Variants in CPED1 observed in about 807,000 individuals in gnomAD.
CPED1 encodes the protein cadherin-like and PC-esterase domain-containing protein 1.
In CPED1, 114 loss-of-function variants were observed where a neutral mutation model predicts 128.2. The ratio of observed to expected loss-of-function variants is 0.89; its 90% CI spans 0.76 to 1.04. CPED1 has a LOEUF of 1.04. Ranked by LOEUF, CPED1 falls within the 50% of genes least tolerant of loss-of-function variation. The pLI is 0.00. For synonymous variants in CPED1, 462 were observed against 426.7 expected (o/e 1.08, Z -1.02); for missense variants, 1,211 against 1,207.1 (o/e 1.00, Z -0.05).
intron 16 of CPED1, among the ~76,000 whole-genome samples, chr7:121,203,987 G>A (rs1041391071): frequency 4.6e-5 from 7 of 152,110 alleles, no homozygotes; most frequent in Non-Finnish European, 8.8e-5. Flanking sequence ...CCTGCACTCA[G>A]TGAGGGTTCC....
At chr7:121,251,762 T>C (rs1798678201) in intron 18 of CPED1, among the ~76,000 whole-genome samples, 1 of 148,860 alleles carries the variant, frequency 6.7e-6, no homozygotes, top group Admixed American at 6.7e-5. Flanking sequence ...TAAAGGGATG[T>C]GAAGGACCTC....
At chr7:121,138,314 C>G (rs116116612) in intron 14 of CPED1, among the ~76,000 whole-genome samples, 1 of 152,032 alleles carries the variant, frequency 6.6e-6, no homozygotes, top group East Asian at 1.9e-4. Context: ...CTGCTACCAC[C>G]GTACCTCGTG....
intron 14 of CPED1, among the ~76,000 whole-genome samples, chr7:121,138,556 A>C (rs1795831820): frequency 6.6e-6 from 1 of 152,092 alleles, no homozygotes; most frequent in African/African-American, 2.4e-5. Context: ...GAACGATTGC[A>C]CATTTATTTC....
intron 16 of CPED1, among the ~76,000 whole-genome samples, chr7:121,210,527 C>T (rs1584599807): frequency 6.6e-6 from 1 of 152,078 alleles, no homozygotes; most frequent in East Asian, 1.9e-4. Context: ...AAATGGAAGA[C>T]ATTATGCAAA....
At chr7:121,246,826 C>T (rs984233486) in intron 18 of CPED1, among the ~76,000 whole-genome samples, 2 of 152,050 alleles carry the variant, frequency 1.3e-5, no homozygotes, top group Non-Finnish European at 2.9e-5. Flanking sequence ...AATAAAAGTC[C>T]GTGCTTAAAT....
chr7:121,039,332 T>C (rs1378398172), intron 3 of CPED1, among the ~76,000 whole-genome samples: 1 of 152,082 alleles, frequency 6.6e-6, no homozygotes, highest in Non-Finnish European at 1.5e-5. Flanking sequence ...TGTTGTTACT[T>C]TTTTGTTTGC....
intron 7 of CPED1, among the ~76,000 whole-genome samples, chr7:121,115,417 A>G (rs1795213891): frequency 6.6e-6 from 1 of 152,316 alleles, no homozygotes; most frequent in Non-Finnish European, 1.5e-5. Context: ...AAATTGCTCT[A>G]TCATGTTCTT....
chr7:121,243,917 A>G (rs1388844524), intron 17 of CPED1, among the ~76,000 whole-genome samples: 1 of 152,222 alleles, frequency 6.6e-6, no homozygotes, highest in Non-Finnish European at 1.5e-5. Flanking sequence ...CTGTTTAAAA[A>G]TAGGTAATGA....
chr7:121,172,580 A>C (rs1410980704), intron 16 of CPED1, among the ~76,000 whole-genome samples: 11 of 152,060 alleles, frequency 7.2e-5, no homozygotes. Context: ...CCCTTATAAA[A>C]CATAAGGAAG....
chr7:121,017,768 A>G (rs2116819871), intron 3 of CPED1, among the ~76,000 whole-genome samples: 1 of 152,316 alleles, frequency 6.6e-6, no homozygotes, highest in Admixed American at 6.5e-5. Context: ...CAGTTTTACC[A>G]CAAAAAGGAG....
At chr7:121,250,051 A>T (rs1320621848) in intron 18 of CPED1, among the ~76,000 whole-genome samples, 2 of 152,220 alleles carry the variant, frequency 1.3e-5, no homozygotes, top group East Asian at 3.8e-4. Flanking sequence ...CCTATTCCAA[A>T]ATTGACCACA....
At chr7:121,175,679 G>A (rs1796759664) in intron 16 of CPED1, among the ~76,000 whole-genome samples, 1 of 152,022 alleles carries the variant, frequency 6.6e-6, no homozygotes, top group South Asian at 2.1e-4. Context: ...ATATTTCAAG[G>A]AAGTTCCAAA....
intron 18 of CPED1, among the ~76,000 whole-genome samples, chr7:121,257,667 T>A (rs1791916975): frequency 6.6e-6 from 1 of 152,002 alleles, no homozygotes; most frequent in Admixed American, 6.6e-5. Flanking sequence ...TAGGAGTAGG[T>A]GAGCAAAGGG....
At chr7:121,239,337 T>C (rs1429142228) in intron 17 of CPED1, among the ~76,000 whole-genome samples, 3 of 152,210 alleles carry the variant, frequency 2.0e-5, no homozygotes, top group Non-Finnish European at 4.4e-5. Context: ...TTTGAATGAT[T>C]GTATTTTTTT....
chr7:121,269,006 T>C (rs1792185077), intron 21 of CPED1, among the ~76,000 whole-genome samples: 1 of 151,880 alleles, frequency 6.6e-6, no homozygotes, highest in Non-Finnish European at 1.5e-5. Context: ...ACCAAGGGAA[T>C]TGTGGGTTAA....
chr7:121,100,056 G>A lies in CPED1; in HGVS notation c.880G>A (p.Val294Ile). 1.2e-6 allele frequency: 2 copies of A among 1,613,526 alleles called. No individual in the cohort carries two copies. Among genetic ancestry groups the A allele is most frequent in the South Asian group, 1.1e-5 (1 of 91,030 alleles). ...LRAFIHSTGTVWNPPKKKRFT... is the reference protein window; with the variant it reads ...LRAFIHSTGTIWNPPKKKRFT... ...TGCATTCATTCATTCGACGGGCACA[G>A]TTTGGAATCCACCAAAGAAAAAACG... Residue 294 changes from valine to isoleucine, a missense_variant, in exon 7 of 23, where the codon GTT (valine) becomes ATT (isoleucine). Physicochemically the swap from Val to Ile is conservative, Grantham distance 29. Transcript: ENST00000310396.
chr7:121,017,629 C>T (rs1338129230), intron 3 of CPED1, among the ~76,000 whole-genome samples: 1 of 152,144 alleles, frequency 6.6e-6, no homozygotes, highest in African/African-American at 2.4e-5. Flanking sequence ...CTTGTTGCTG[C>T]TACTGACTTT....
Position 121,142,003 on chromosome 7 carries a change from G to C in CPED1, c.1917G>C (p.Met639Ile), listed in dbSNP as rs1246127527. Residue 639 changes from methionine (M) to isoleucine (I), a missense_variant, in exon 16 of 23, where the codon ATG becomes ATC. Met to Ile is a conservative substitution (Grantham distance 10). Transcript: ENST00000310396. Reference sequence around the variant, plus strand: ...CCAGCTACCCTCTGGGCTTAGGAATGAACAAAATCTCAATATTTGTTGTGG... The same window carrying C: ...CCAGCTACCCTCTGGGCTTAGGAATCAACAAAATCTCAATATTTGTTGTGG... ...SFASYPLGLG[M>I]NKISIFVVDE... The C allele has an allele frequency of 6.2e-7, 1 of 1,612,362 alleles. No homozygotes were observed. Among genetic ancestry groups the C allele is most frequent in the African/African-American group, 1.3e-5 (1 of 74,822 alleles).
chr7:121,214,065 T>C (rs1284548500), intron 16 of CPED1, among the ~76,000 whole-genome samples: 1 of 152,000 alleles, frequency 6.6e-6, no homozygotes, highest in East Asian at 1.9e-4. Flanking sequence ...TGAAGGTCAG[T>C]TATTTTGTGG....
Sources: gnomAD v4.1 joint callset for allele counts (sites outside exome capture counted in the v4.1 genomes callset) on GRCh38, gnomAD v4.1.1 for gene constraint, MANE v1.5 for transcripts, NCBI Gene and HGNC (gene_info 2026-07-23, HGNC 2026-07-21) for gene names.